PLEKHA2: variants seen among roughly 807,000 people sequenced by gnomAD.
The protein encoded by PLEKHA2 is pleckstrin homology domain containing A2.
PLEKHA2 carries 28 observed loss-of-function variants against 53.2 expected under a neutral mutation model. The observed-to-expected ratio is 0.53, with a 90% CI of 0.39 to 0.72. The LOEUF (loss-of-function observed/expected upper bound fraction) is 0.72, where lower values mean the gene tolerates loss of function less well. Among genes scored for constraint, PLEKHA2 ranks in the 30% least tolerant of loss-of-function variants. The pLI is 0.00. For missense variants in PLEKHA2, 426 were observed against 537.9 expected, an observed-to-expected ratio of 0.79 and a Z score of 2.06; for synonymous variants, 193 against 196.4, an observed-to-expected ratio of 0.98 and a Z score of 0.14.
chr8:38,935,687 G>A (rs1349674690), intron 2 of PLEKHA2, among the ~76,000 whole-genome samples: 2 of 152,138 alleles, frequency 1.3e-5, no homozygotes, highest in African/African-American at 4.8e-5. Flanking sequence ...CCAAAGTACT[G>A]GGATTACAGG....
In PLEKHA2 at chr8:38,952,291, C is replaced by G; in HGVS notation, c.612C>G (p.Tyr204Ter). Residue 204 changes from tyrosine (Y) to a stop codon, truncating the protein, a stop_gained, in exon 7 of 12, where the codon TAC becomes TAG. Transcript: ENST00000617275. LOFTEE classifies it high-confidence loss of function. ...GGCCTCCCCTCATTAAGAGTGGTTA[C>G]TGCGTGAAGCAAGGGAATGTGGTGA... ...STGPPLIKSG[Y>*]CVKQGNVRKS... 6.2e-7 allele frequency: 1 copy of G among 1,612,804 alleles called. No individual in the cohort carries two copies. The highest frequency in any genetic ancestry group is 8.5e-7 in the Non-Finnish European group (1 of 1,179,516).
Position 38,968,657 on chromosome 8 carries a change from G to T in PLEKHA2, c.903G>T (p.Lys301Asn). Reference protein sequence around the residue: ...KEIGAAVQALKCHPRETSFSR... With the variant: ...KEIGAAVQALNCHPRETSFSR... Reference sequence around the variant, plus strand: ...TTGGCGCAGCTGTCCAGGCCCTCAAGTGCCACCCCAGAGTAAGTCACTTCC... The same window carrying T: ...TTGGCGCAGCTGTCCAGGCCCTCAATTGCCACCCCAGAGTAAGTCACTTCC... The change falls in exon 11 of 12, where the codon AAG becomes AAT. Residue 301 changes from lysine (K) to asparagine (N), a missense_variant. Transcript: ENST00000617275. The T allele has an allele frequency of 6.2e-6, 10 of 1,613,984 alleles. No homozygotes were observed. The highest frequency in any genetic ancestry group is 8.5e-6 in the Non-Finnish European group (10 of 1,179,882).
rs188744947 is a variant in PLEKHA2, at chr8:38,921,505, G to A, written c.141+3435G>A. On this transcript the variant is annotated intron_variant, in intron 2 of 11. Coordinates refer to ENST00000617275, the MANE Select transcript of PLEKHA2 (RefSeq NM_021623.2). ...GGCACCATCTTGGAACTTGAATATT[G>A]ACGGTTGTCAGGATTCCCCTCACTC... is the stretch of plus-strand genomic sequence containing the variant. Among the ~76,000 whole-genome samples, 3 of 152,342 alleles carry A rather than the reference G, an allele frequency of 2.0e-5. No individual in the cohort carries two copies. In the East Asian group the frequency reaches 5.8e-4, roughly 29 times the overall value.
intron 1 of PLEKHA2, among the ~76,000 whole-genome samples, chr8:38,916,045 G>A (rs966942421): frequency 3.9e-5 from 6 of 151,986 alleles, no homozygotes; most frequent in African/African-American, 1.5e-4. Flanking sequence ...GTGTGATCTC[G>A]TCTCACTATA....
intron 4 of PLEKHA2, among the ~76,000 whole-genome samples, chr8:38,944,833 T>C (rs1834679642): frequency 6.6e-6 from 1 of 152,238 alleles, no homozygotes; most frequent in African/African-American, 2.4e-5. Context: ...TTTTTTCTTT[T>C]AATAATTGTC....
chr8:38,907,675 C>T (rs112736180), intron 1 of PLEKHA2, among the ~76,000 whole-genome samples: 3 of 150,978 alleles, frequency 2.0e-5, no homozygotes, highest in African/African-American at 2.4e-5. Flanking sequence ...GTGGGAGGAT[C>T]GCATGAGCCC....
chr8:38,950,434 T>C (rs1352359375), intron 5 of PLEKHA2: 2 of 159,310 alleles, frequency 1.3e-5, no homozygotes, highest in Non-Finnish European at 2.8e-5. Flanking sequence ...TCCCCTGCTG[T>C]GCGCTGCCTC....
At chr8:38,963,278 A>C (rs1302476945) in intron 10 of PLEKHA2, among the ~76,000 whole-genome samples, 1 of 152,200 alleles carries the variant, frequency 6.6e-6, no homozygotes, top group Non-Finnish European at 1.5e-5. Flanking sequence ...AGGTGCACAC[A>C]CATAAGCACA....
At chr8:38,934,618 C>T (rs1046285777) in intron 2 of PLEKHA2, among the ~76,000 whole-genome samples, 2 of 152,054 alleles carry the variant, frequency 1.3e-5, no homozygotes. Flanking sequence ...ATGGGACTGC[C>T]TTGGGTTTTC....
intron 3 of PLEKHA2, among the ~76,000 whole-genome samples, chr8:38,937,282 T>A (rs1292117515): frequency 6.6e-6 from 1 of 152,178 alleles, no homozygotes; most frequent in African/African-American, 2.4e-5. Context: ...AATTTGTGCA[T>A]GCCTTGTGGT....
At chr8:38,910,121 TA>T (rs1172315510) in intron 1 of PLEKHA2, among the ~76,000 whole-genome samples, 1 of 152,060 alleles carries the variant, frequency 6.6e-6, no homozygotes, top group Admixed American at 6.6e-5. Flanking sequence ...CATGCCCGGC[TA>T]ATTTTTGTAT....
At chr8:38,939,917 C>G (rs1405920888) in intron 3 of PLEKHA2, among the ~76,000 whole-genome samples, 3 of 151,514 alleles carry the variant, frequency 2.0e-5, no homozygotes, top group African/African-American at 7.3e-5. Flanking sequence ...GAGACCCTGT[C>G]TCTACAAAAA....
At position 38,946,121 on chromosome 8, in the gene PLEKHA2, T is replaced by C. The variant is rs897439055; in HGVS notation, c.248-3T>C. On this transcript the variant is annotated splice_region_variant and splice_polypyrimidine_tract_variant and intron_variant, in intron 4 of 11. Coordinates refer to ENST00000617275, the MANE Select transcript of PLEKHA2 (RefSeq NM_021623.2). ...CTTCCCTTCTTTTCTGTGGCTTTTGTAGTTATCAATGCCCTGTCTCAGAGA... is the reference window on the plus strand; with the variant it reads ...CTTCCCTTCTTTTCTGTGGCTTTTGCAGTTATCAATGCCCTGTCTCAGAGA... 3.1e-6 allele frequency: 5 copies of C among 1,600,404 alleles called. No homozygotes were observed. Among genetic ancestry groups the C allele is most frequent in the Non-Finnish European group, 4.3e-6 (5 of 1,172,514 alleles).
At chr8:38,917,723 T>A (rs1187288124) in intron 1 of PLEKHA2, among the ~76,000 whole-genome samples, 184 bp from the exon 2 acceptor site, 2 of 152,118 alleles carry the variant, frequency 1.3e-5, no homozygotes, top group African/African-American at 4.8e-5. Context: ...TGAATACGTG[T>A]GAATGGATTT....
chr8:38,960,384 C>T (rs1048714345), intron 10 of PLEKHA2, among the ~76,000 whole-genome samples: 3 of 152,080 alleles, frequency 2.0e-5, no homozygotes, highest in Non-Finnish European at 2.9e-5. Flanking sequence ...GAGGCTGAGG[C>T]AGGAGGAGAG....
Position 38,907,057 on chromosome 8 carries a change from G to C in PLEKHA2, c.-24+5612G>C, listed in dbSNP as rs573849328. Among the ~76,000 whole-genome samples, 3 of 152,322 alleles carry C rather than the reference G, an allele frequency of 2.0e-5. No homozygotes were observed. In the South Asian group the frequency reaches 6.2e-4, roughly 32 times the overall value. On this transcript the variant is annotated intron_variant, in intron 1 of 11. Transcript: ENST00000617275. The stretch of plus-strand genomic sequence containing the variant: ...TAGAACCTCAGTCACTACTGAAGCT[G>C]CTGCCTGCAGCTTCTGCCCTGGTAG...
chr8:38,957,746 G>A (rs543777464), intron 10 of PLEKHA2, among the ~76,000 whole-genome samples: 9 of 152,298 alleles, frequency 5.9e-5, no homozygotes, highest in African/African-American at 1.9e-4. Flanking sequence ...CACTGTGTGC[G>A]GAAGGACAAA....
At chr8:38,925,868 C>T (rs1336164761) in intron 2 of PLEKHA2, among the ~76,000 whole-genome samples, 1 of 152,190 alleles carries the variant, frequency 6.6e-6, no homozygotes, top group Non-Finnish European at 1.5e-5. Context: ...CAAATTTTGG[C>T]TGAAAGCCAG....
intron 1 of PLEKHA2, among the ~76,000 whole-genome samples, chr8:38,913,110 T>A (rs1833979479): frequency 6.6e-6 from 1 of 152,172 alleles, no homozygotes; most frequent in South Asian, 2.1e-4. Flanking sequence ...ATGCCTGTAA[T>A]CCCAGCACTT....
Sources: gnomAD v4.1 joint callset for allele counts (sites outside exome capture counted in the v4.1 genomes callset) on GRCh38, gnomAD v4.1.1 for gene constraint, MANE v1.5 for transcripts, NCBI Gene and HGNC (gene_info 2026-07-23, HGNC 2026-07-21) for gene names.